Variants in MYO7A observed in about 807,000 individuals in gnomAD.
MYO7A encodes unconventional myosin-VIIa.
MYO7A carries 210 observed loss-of-function variants against 263.8 expected under a neutral mutation model. The observed-to-expected ratio is 0.80, with a 90% CI of 0.71 to 0.89. The LOEUF is 0.89. Among genes scored for constraint, MYO7A ranks in the 40% least tolerant of loss-of-function variants. The pLI, the probability that MYO7A is intolerant of heterozygous loss-of-function variation, is 0.00. For missense variants in MYO7A, 2,820 were observed against 2,968.3 expected, an observed-to-expected ratio of 0.95 and a Z score of 1.16; for synonymous variants, 1,239 against 1,197.3, an observed-to-expected ratio of 1.03 and a Z score of -0.72.
intron 19 of MYO7A, 133 bp downstream of exon 19, chr11:77,177,776 G>A (rs61900008): frequency 1.5e-6 from 1 of 671,198 alleles, no homozygotes; most frequent in South Asian, 1.8e-5. Flanking sequence ...GTGCACACAT[G>A]CATGGCATGC....
chr11:77,182,786 A>G (rs568727142), intron 25 of MYO7A, among the ~76,000 whole-genome samples, 186 bp downstream of exon 25: 177 of 152,338 alleles, frequency 1.2e-3, no homozygotes, highest in African/African-American at 4.0e-3. Context: ...TATAAACTGT[A>G]AAGTGCTGAC....
rs377388669 is a variant in MYO7A at position 77,203,144 on chromosome 11, G to C, written c.5253G>C (p.Pro1751=). ...KDRLWSHTRE[P]LKQALLKKLL... ...GGCTGTGGAGCCACACGCGGGAACC[G>C]CTCAAGCAGGCGCTGCTCAAGAAGC... Residue 1751 remains proline (P), a synonymous_variant, in exon 38 of 49, where the codon CCG becomes CCC. Coordinates refer to ENST00000409709, the MANE Select transcript of MYO7A (RefSeq NM_000260.4). 2.6e-6 allele frequency: 4 copies of C among 1,550,780 alleles called. No individual in the cohort carries two copies. The East Asian group carries it at 9.7e-5, about 38-fold the overall frequency.
At chr11:77,175,816 T>A (rs1954606412) in intron 18 of MYO7A, among the ~76,000 whole-genome samples, 1 of 152,198 alleles carries the variant, frequency 6.6e-6, no homozygotes, top group East Asian at 1.9e-4. Context: ...TGTGCCTGTG[T>A]GGGGTCTCTT....
At chr11:77,156,139 C>T (rs1555061999) in intron 5 of MYO7A, 48 bp downstream of exon 5, 1 of 1,593,896 alleles carries the variant, frequency 6.3e-7, no homozygotes, top group Admixed American at 1.7e-5. Flanking sequence ...GGACCTAGAG[C>T]TCCAACTGTG....
At chr11:77,152,218 A>C (rs185684384) in intron 4 of MYO7A, among the ~76,000 whole-genome samples, 1 of 152,370 alleles carries the variant, frequency 6.6e-6, no homozygotes, top group Admixed American at 6.5e-5. Context: ...ACATACATAA[A>C]AAATTATTCA....
Position 77,162,212 on chromosome 11 carries a change from T to A in MYO7A, c.1436T>A (p.Leu479Gln). The A allele has an allele frequency of 6.3e-7, 1 of 1,587,078 alleles. No homozygotes were observed. Among genetic ancestry groups the A allele is most frequent in the Non-Finnish European group, 8.6e-7 (1 of 1,166,076 alleles). ...VFKLEQEEYD[L>Q]ESIDWLHIEF... ...AAGCTGGAGCAGGAGGAATATGACC[T>A]GGAGAGCATTGACTGGCTGCACATC... The change falls in exon 13 of 49, where the codon CTG becomes CAG. Residue 479 changes from leucine to glutamine, a missense_variant. Coordinates refer to ENST00000409709, the MANE Select transcript of MYO7A (RefSeq NM_000260.4).
At chr11:77,157,195 A>G in intron 7 of MYO7A, 84 bp from the exon 8 acceptor site, 2 of 1,376,488 alleles carry the variant, frequency 1.5e-6, no homozygotes, top group Non-Finnish European at 2.0e-6. Flanking sequence ...TTGTTAAAAT[A>G]GTAAACCATC....
In MYO7A at chr11:77,181,505, AGACATGGTG is replaced by A; in HGVS notation, c.2825_2833del (p.Met942_Asp944del). ...CCCGCCATGAGCCTGTCAATCACTC[AGACATGGTG>A]GACAAGATGTTTGGCTTCCTGGGGA... is the stretch of plus-strand genomic sequence containing the variant. On this transcript the variant is annotated inframe_deletion, in exon 23 of 49. Transcript: ENST00000409709. 6.2e-7 allele frequency: 1 copy of A among 1,613,538 alleles called. No individual in the cohort carries two copies. The highest frequency in any genetic ancestry group is 8.5e-7 in the Non-Finnish European group (1 of 1,179,862).
rs925791339 is a variant in MYO7A, at chr11:77,190,747, G to C, written c.3801G>C (p.Gly1267=). ...TGTTGCCCGTGACATTCATGGATGG[G>C]ACCACCAAGACCCTGCTGACGGACT... ...PIMLPVTFMD[G]TTKTLLTDSA... is the part of the protein sequence containing the mutation. Residue 1267 remains glycine (G), a synonymous_variant, in exon 30 of 49, where the codon GGG becomes GGC. Coordinates refer to ENST00000409709, the MANE Select transcript of MYO7A (RefSeq NM_000260.4). 1.3e-6 allele frequency: 2 copies of C among 1,599,540 alleles called. No homozygotes were observed. The highest frequency in any genetic ancestry group is 1.7e-6 in the Non-Finnish European group (2 of 1,173,476).
At chr11:77,148,447 C>T (rs1372091575) in intron 4 of MYO7A, among the ~76,000 whole-genome samples, 1 of 152,086 alleles carries the variant, frequency 6.6e-6, no homozygotes, top group East Asian at 1.9e-4. Context: ...ATATTAGAAA[C>T]ACACACACAC....
rs781885773 is a variant in MYO7A at position 77,174,777 on chromosome 11, G to A, written c.1957G>A (p.Val653Met). 5 of 1,602,152 alleles carry A rather than the reference G, an allele frequency of 3.1e-6. No homozygotes were observed. The highest frequency in any genetic ancestry group is 3.4e-5 in the Admixed American group (2 of 58,344). ...GCAGCTGTTCGACCGGCACCTGTGC[G>A]TGCGCCAGCTGCGGTACTCAGGAAT... ...KPMLFDRHLCVRQLRYSGMME... is the reference protein window; with the variant it reads ...KPMLFDRHLCMRQLRYSGMME... Residue 653 changes from valine to methionine, a missense_variant, in exon 17 of 49, where the codon GTG (valine) becomes ATG (methionine). By Grantham distance (21) the Val-to-Met change is conservative. Coordinates refer to ENST00000409709, the MANE Select transcript of MYO7A (RefSeq NM_000260.4).
intron 2 of MYO7A, among the ~76,000 whole-genome samples, chr11:77,131,409 C>A (rs1323685170): frequency 6.6e-6 from 1 of 152,160 alleles, no homozygotes; most frequent in African/African-American, 2.4e-5. Flanking sequence ...CATATGAGTG[C>A]GTGCGCGTGT....
In MYO7A at chr11:77,214,897, T is replaced by C. The variant is rs942399987; in HGVS notation, c.*201T>C. The C allele has an allele frequency of 1.8e-5, 10 of 555,026 alleles. No individual in the cohort carries two copies. The highest frequency in any genetic ancestry group is 3.2e-5 in the Non-Finnish European group (10 of 311,272). The allele number at this position is 555,026 out of a possible 1,614,324, so 34.4% of individuals were successfully genotyped here. A position where few individuals can be genotyped will look rare whatever the true frequency, so the allele number is the denominator to read the frequency against. On this transcript the variant is annotated 3_prime_UTR_variant, in exon 49 of 49. Coordinates refer to ENST00000409709, the MANE Select transcript of MYO7A (RefSeq NM_000260.4). ...CTCTGGGATGCAGAACTTCCCTCCA[T>C]CCACCCCTCTGGCACCTGGGTTGGT... is the stretch of plus-strand genomic sequence containing the variant.
chr11:77,190,398 C>T (rs1332840297), intron 29 of MYO7A, among the ~76,000 whole-genome samples: 1 of 152,196 alleles, frequency 6.6e-6, no homozygotes, highest in African/African-American at 2.4e-5. Context: ...TGTCTCAATG[C>T]CTTTACCTGC....
In MYO7A at chr11:77,179,839, C is replaced by T. The variant is rs1407246264; in HGVS notation, c.2472C>T (p.Cys824=). ...RQRIIQFQAR[C]RAYLVRKAFR... ...GCATCATCCAGTTCCAGGCCCGCTG[C>T]CGCGCCTATCTGGTGCGCAAGGCCT... The change falls in exon 21 of 49, where the codon TGC becomes TGT. Residue 824 remains cysteine (C), a synonymous_variant. Transcript: ENST00000409709. 2.1e-5 allele frequency: 32 copies of T among 1,543,150 alleles called. No homozygotes were observed. The highest frequency in any genetic ancestry group is 2.8e-5 in the Non-Finnish European group (32 of 1,146,964).
At chr11:77,182,319 ATGC>A in intron 24 of MYO7A, 102 bp from the exon 25 acceptor site, 3 of 1,452,000 alleles carry the variant, frequency 2.1e-6, no homozygotes, top group Admixed American at 4.4e-5. Flanking sequence ...AGGGCTGACC[ATGC>A]GGGAGGGGGT....
At position 77,207,102 on chromosome 11, in the gene MYO7A, G is replaced by A. The variant is rs564604464; in HGVS notation, c.5743-187G>A. The A allele has an allele frequency of 1.5e-4, 77 of 520,262 alleles. 1 individual carries two copies. The South Asian group carries it at 2.2e-3, about 15-fold the overall frequency. The allele number at this position is 520,262 out of a possible 1,614,324, so 32.2% of individuals were successfully genotyped here. A position where few individuals can be genotyped will look rare whatever the true frequency, so the allele number is the denominator to read the frequency against. On this transcript the variant is annotated intron_variant, in intron 41 of 48. Transcript: ENST00000409709. ...CTTCTGCTTGGAGAGTCGGGAGGAG[G>A]AGACCTGGGAAGACCCAGACAGGAG...
chr11:77,189,305 TG>T (rs1274021590), intron 27 of MYO7A, 38 bp from the exon 28 acceptor site: 1 of 1,610,234 alleles, frequency 6.2e-7, no homozygotes, highest in Non-Finnish European at 8.5e-7. Context: ...GCTGTTCCTG[TG>T]GGGTGATTCC....
In MYO7A at chr11:77,211,239, G is replaced by A. The variant is rs1457972113; in HGVS notation, c.6139G>A (p.Glu2047Lys). Residue 2047 changes from glutamate to lysine, a missense_variant, in exon 45 of 49, where the codon GAG (glutamate) becomes AAG (lysine). Coordinates refer to ENST00000409709, the MANE Select transcript of MYO7A (RefSeq NM_000260.4). ...LGALIYRVKFEEDKSYFPSIP... is the reference protein window; with the variant it reads ...LGALIYRVKFKEDKSYFPSIP... ...GGCGCTGATCTACAGGGTCAAGTTC[G>A]AGGAGGACAAGTCCTACTTCCCCAG... 2.6e-5 allele frequency: 41 copies of A among 1,586,456 alleles called. No individual in the cohort carries two copies. Among genetic ancestry groups the A allele is most frequent in the African/African-American group, 4.0e-5 (3 of 74,408 alleles).
Sources: allele counts gnomAD v4.1 joint callset (sites outside exome capture counted in the v4.1 genomes callset), GRCh38; gene constraint gnomAD v4.1.1; transcripts MANE v1.5; gene names NCBI Gene and HGNC (gene_info 2026-07-23, HGNC 2026-07-21).